ADGRD1: variants seen among roughly 807,000 people sequenced by gnomAD.
ADGRD1 encodes G-protein coupled receptor 133.
A neutral mutation model predicts 113.4 loss-of-function variants in ADGRD1; 77 were observed. That is an observed-to-expected ratio of 0.68 (90% CI 0.57 to 0.82). The LOEUF (loss-of-function observed/expected upper bound fraction) is 0.82. Among genes scored for constraint, ADGRD1 ranks in the 40% least tolerant of loss-of-function variants. The pLI, the probability that ADGRD1 is intolerant of heterozygous loss-of-function variation, is 0.00. For missense variants in ADGRD1, 1,036 were observed against 1,139.1 expected (o/e 0.91, Z 1.30); for synonymous variants, 474 against 475.0 (o/e 1.00, Z 0.03).
intron 21 of ADGRD1, 73 bp from the exon 22 acceptor site, chr12:131,135,964 G>A (rs777277209): frequency 2.5e-5 from 39 of 1,549,928 alleles, no homozygotes; most frequent in Admixed American, 6.9e-5. Context: ...GAAGCCTGGC[G>A]TCTCGAGGGC....
chr12:131,138,362 T>C, intron 24 of ADGRD1, 133 bp downstream of exon 24: 1 of 699,968 alleles, frequency 1.4e-6, no homozygotes, highest in Non-Finnish European at 2.5e-6. Context: ...CTCTCATGCC[T>C]GCAGGCTGCA....
At chr12:131,082,081 A>AATAATTTATAT (rs1163354565) in intron 14 of ADGRD1, among the ~76,000 whole-genome samples, 1 of 152,010 alleles carries the variant, frequency 6.6e-6, no homozygotes, top group African/African-American at 2.4e-5. Flanking sequence ...GTGTTTTTTC[A>AATAATTTATAT]ATAATTTATA....
chr12:131,055,639 A>C (rs957686709), intron 13 of ADGRD1, among the ~76,000 whole-genome samples: 5 of 152,208 alleles, frequency 3.3e-5, no homozygotes, highest in African/African-American at 1.2e-4. Context: ...TGTGTGCTCC[A>C]GGCCTGGGAA....
intron 13 of ADGRD1, among the ~76,000 whole-genome samples, chr12:131,015,339 C>T (rs1042750567): frequency 5.9e-5 from 8 of 134,580 alleles, no homozygotes; most frequent in East Asian, 2.3e-4. Flanking sequence ...GATGGAGGTG[C>T]GGATGGAGAT....
intron 3 of ADGRD1, chr12:130,968,871 G>A: frequency 1.5e-6 from 1 of 672,814 alleles, no homozygotes; most frequent in Non-Finnish European, 2.6e-6. Context: ...GCTCTTGGAT[G>A]AAAGAGCCCC....
Position 130,971,716 on chromosome 12 carries a change from G to A in ADGRD1, c.310+136G>A. On this transcript the variant is annotated intron_variant, in intron 4 of 24. Transcript: ENST00000261654. This position sits in a 1 kb window ranked among gnomAD's most constrained non-coding sequence, Gnocchi z 4.2. ...GCGTGAGAATGTCAACGATGGATCG[G>A]AGGGCAGGGGAGGGAGGAATACAGG... is the stretch of plus-strand genomic sequence containing the variant. 1 of 855,390 alleles carries A rather than the reference G, an allele frequency of 1.2e-6. No individual in the cohort carries two copies. 53.0% of individuals were successfully genotyped at this position (855,390 alleles called of 1,614,324 possible).
At position 131,015,980 on chromosome 12, in the gene ADGRD1, G is replaced by A. The variant is rs545445649; in HGVS notation, c.1473+1640G>A. Among the ~76,000 whole-genome samples, 10 of 152,244 alleles carry A rather than the reference G, an allele frequency of 6.6e-5. 1 individual carries two copies. In the South Asian group the frequency reaches 1.2e-3, roughly 19 times the overall value. The stretch of plus-strand genomic sequence containing the variant: ...GGCAGATGTCTAGCAGGTCTTTCCC[G>A]CCCGGCTTTCCATGCACCTCTGGCT... On this transcript the variant is annotated intron_variant, in intron 13 of 24. Transcript: ENST00000261654.
chr12:130,993,924 G>C (rs946534070), intron 8 of ADGRD1: 3 of 160,168 alleles, frequency 1.9e-5, no homozygotes, highest in African/African-American at 7.1e-5. Flanking sequence ...ACGTCCAGGA[G>C]GGAAAGAACG....
Position 130,982,870 on chromosome 12 carries a change from G to A in ADGRD1, c.490+807G>A, listed in dbSNP as rs561053937. Among the ~76,000 whole-genome samples the A allele has an allele frequency of 9.8e-5, 15 of 152,306 alleles. 1 individual carries two copies. Among genetic ancestry groups the A allele is most frequent in the African/African-American group, 3.4e-4 (14 of 41,572 alleles). On this transcript the variant is annotated intron_variant, in intron 5 of 24. Coordinates refer to ENST00000261654, the MANE Select transcript of ADGRD1 (RefSeq NM_198827.5). ...ACACAGAAGGACTCAGGGTGGCATG[G>A]AGTGGGGGCCAAGTCAGGACTGGAG...
At chr12:131,115,748 G>A (rs752798141) in intron 18 of ADGRD1, among the ~76,000 whole-genome samples, 4 of 152,214 alleles carry the variant, frequency 2.6e-5, no homozygotes, top group Admixed American at 6.5e-5. Context: ...CCGTGTGAGA[G>A]TTTCAGATGA....
In ADGRD1 at chr12:131,009,118, G is replaced by A. The variant is rs141317282; in HGVS notation, c.1331+3071G>A. ...GTGCCTGGTGATGGGGATGTCTGCCGCACGCCTGCAGCCAGGTGGCCACAC... is the reference window on the plus strand; with the variant it reads ...GTGCCTGGTGATGGGGATGTCTGCCACACGCCTGCAGCCAGGTGGCCACAC... On this transcript the variant is annotated intron_variant, in intron 12 of 24. Coordinates refer to ENST00000261654, the MANE Select transcript of ADGRD1 (RefSeq NM_198827.5). Among the ~76,000 whole-genome samples the A allele has an allele frequency of 7.8e-3, 1,191 of 152,274 alleles. 20 individuals carry two copies. Among genetic ancestry groups the A allele is most frequent in the African/African-American group, 0.025 (1,020 of 41,542 alleles).
intron 13 of ADGRD1, among the ~76,000 whole-genome samples, chr12:131,017,635 C>CACTAGTGCACACACAA: frequency 6.6e-6 from 1 of 151,420 alleles, no homozygotes; most frequent in South Asian, 2.1e-4. Context: ...CTAGTGCACA[C>CACTAGTGCACACACAA]ACACCCAGCA....
chr12:130,983,998 G>A (rs1873331100), intron 5 of ADGRD1, among the ~76,000 whole-genome samples: 1 of 152,168 alleles, frequency 6.6e-6, no homozygotes, highest in Non-Finnish European at 1.5e-5. Flanking sequence ...GTTGATGGAG[G>A]TTCCTGAATG....
At position 131,003,270 on chromosome 12, in the gene ADGRD1, A is replaced by AG; in HGVS notation, c.1114dup (p.Val372GlyfsTer123). 6.2e-7 allele frequency: 1 copy of AG among 1,613,888 alleles called. No homozygotes were observed. Among genetic ancestry groups the AG allele is most frequent in the Non-Finnish European group, 8.5e-7 (1 of 1,179,876 alleles). On this transcript the variant is annotated frameshift_variant, in exon 10 of 25. Transcript: ENST00000261654. LOFTEE classifies it high-confidence loss of function. The surrounding 1 kb of genome is among the most constrained non-coding windows in gnomAD (Gnocchi z 4.8). ...TCCAACCTGCACGGCAGCACGCCCC[A>AG]GGTCACCGTGGAGGGCTCCTCTGCC... is the stretch of plus-strand genomic sequence containing the variant.
rs964712428 is a variant in ADGRD1 at position 131,084,472 on chromosome 12, T to C, written c.1548-68T>C. ...CGGGGCCATGTGTTATGGGGGGTGCTGCTCTCAGTCCCCTGCCTGCCAAGG... is the reference window on the plus strand; with the variant it reads ...CGGGGCCATGTGTTATGGGGGGTGCCGCTCTCAGTCCCCTGCCTGCCAAGG... On this transcript the variant is annotated intron_variant, in intron 14 of 24. Transcript: ENST00000261654. The surrounding 1 kb of genome is among the most constrained non-coding windows in gnomAD (Gnocchi z 4.5). 13 of 1,583,006 alleles carry C rather than the reference T, an allele frequency of 8.2e-6. No homozygotes were observed. The highest frequency in any genetic ancestry group is 1.0e-5 in the Non-Finnish European group (12 of 1,155,160).
intron 20 of ADGRD1, among the ~76,000 whole-genome samples, chr12:131,122,512 G>A (rs185302617): frequency 1.2e-3 from 182 of 152,252 alleles, no homozygotes; most frequent in Admixed American, 2.1e-3. Flanking sequence ...GCTCTCTGGG[G>A]GTCTGGGAGG....
At position 130,981,342 on chromosome 12, in the gene ADGRD1, G is replaced by A. The variant is rs759018139; in HGVS notation, c.311-542G>A. On this transcript the variant is annotated intron_variant, in intron 4 of 24. Transcript: ENST00000261654. ...ACGTGACAGTGTATTTATGGACATC[G>A]GAGGAAGTTCACGGTGGAGTAAACT... The A allele has an allele frequency of 2.6e-5, 4 of 152,222 alleles. No individual in the cohort carries two copies. The East Asian group carries it at 7.7e-4, about 29-fold the overall frequency. The allele number at this position is 152,222 out of a possible 1,614,324, so 9.4% of individuals were successfully genotyped here. A position where few individuals can be genotyped will look rare whatever the true frequency, so the allele number is the denominator to read the frequency against.
At chr12:131,120,611 G>A (rs1950570447) in intron 19 of ADGRD1, 3 of 600,310 alleles carry the variant, frequency 5.0e-6, no homozygotes, top group Middle Eastern at 3.7e-4. Context: ...CTGGATTTTG[G>A]CTAAACTCTC....
chr12:131,138,101 T>C (rs1021213406), intron 23 of ADGRD1, 36 bp from the exon 24 acceptor site: 28 of 1,570,910 alleles, frequency 1.8e-5, no homozygotes, highest in Non-Finnish European at 2.3e-5. Context: ...TTGCAGCCTC[T>C]GAAATTGCTC....
Sources: gnomAD v4.1 joint callset for allele counts (sites outside exome capture counted in the v4.1 genomes callset) on GRCh38, gnomAD v4.1.1 for gene constraint, Gnocchi (gnomAD v3.1) non-coding constraint, MANE v1.5 for transcripts, NCBI Gene and HGNC (gene_info 2026-07-23, HGNC 2026-07-21) for gene names.